NECTIN3: variants seen among roughly 807,000 people sequenced by gnomAD.
The protein encoded by NECTIN3 is nectin-3.
Under a neutral mutation model 49.4 loss-of-function variants are expected in NECTIN3, and 8 were observed. That is an observed-to-expected ratio of 0.16 (90% CI 0.10 to 0.29). NECTIN3 has a LOEUF of 0.29. Among genes scored for constraint, NECTIN3 ranks in the 10% least tolerant of loss-of-function variants. The pLI is 1.00. For missense variants in NECTIN3, 581 were observed against 654.6 expected, an observed-to-expected ratio of 0.89 and a Z score of 1.23; for synonymous variants, 277 against 241.1, an observed-to-expected ratio of 1.15 and a Z score of -1.38.
At chr3:111,073,498 G>A (rs1179804631) in intron 1 of NECTIN3, 1 of 152,264 alleles carries the variant, frequency 6.6e-6, no homozygotes, top group Non-Finnish European at 1.5e-5. Context: ...TATGGTAAAT[G>A]GAATGTTATT....
intron 1 of NECTIN3, among the ~76,000 whole-genome samples, chr3:111,102,714 A>T (rs962924624): frequency 6.6e-6 from 1 of 152,096 alleles, no homozygotes; most frequent in Admixed American, 6.6e-5. Context: ...CTAAAACATT[A>T]TTGTCGTATC....
At chr3:111,095,621 A>G (rs2032541158) in intron 1 of NECTIN3, among the ~76,000 whole-genome samples, 1 of 152,140 alleles carries the variant, frequency 6.6e-6, no homozygotes, top group South Asian at 2.1e-4. Flanking sequence ...CCCAAATCTC[A>G]TCTTGAATTC....
chr3:111,097,853 C>G (rs928598502), intron 1 of NECTIN3, among the ~76,000 whole-genome samples: 25 of 152,104 alleles, frequency 1.6e-4, no homozygotes, highest in African/African-American at 5.8e-4. Flanking sequence ...TCTTTATCAG[C>G]AGCATGAAAA....
intron 1 of NECTIN3, among the ~76,000 whole-genome samples, chr3:111,087,015 A>G (rs1489027492): frequency 6.6e-6 from 1 of 152,126 alleles, no homozygotes; most frequent in Non-Finnish European, 1.5e-5. Context: ...GTTATTATAA[A>G]TAATATTTAT....
rs370116401 is a variant in NECTIN3, at chr3:111,176,727, C to A, written c.1222-15624C>A. Among the ~76,000 whole-genome samples, 11 of 151,690 alleles carry A rather than the reference C, an allele frequency of 7.3e-5. No homozygotes were observed. The East Asian group carries it at 1.5e-3, about 21-fold the overall frequency. On this transcript the variant is annotated intron_variant, in intron 7 of 8. Transcript: ENST00000493615. ...ATATCATTCAATTAAATTTAAGATC[C>A]CCCCAAAAATACATGTAAAAATATG...
chr3:111,177,523 A>G (rs2035553384), intron 7 of NECTIN3, among the ~76,000 whole-genome samples: 1 of 152,144 alleles, frequency 6.6e-6, no homozygotes, highest in African/African-American at 2.4e-5. Flanking sequence ...ATTTTTTAAG[A>G]TACTGTGTAG....
Position 111,134,451 on chromosome 3 carries a change from A to G in NECTIN3, c.*236A>G, listed in dbSNP as rs2034506503. 8.4e-7 allele frequency: 1 copy of G among 1,192,462 alleles called. No individual in the cohort carries two copies. Among genetic ancestry groups the G allele is most frequent in the East Asian group, 4.0e-5 (1 of 25,278 alleles). The allele number at this position is 1,192,462 out of a possible 1,614,324, so 73.9% of individuals were successfully genotyped here. A position where few individuals can be genotyped will look rare whatever the true frequency, so the allele number is the denominator to read the frequency against. ...TGTCTCAAGATTTAAATTTTAATGC[A>G]GAGTACTTTATTGGTGTGAGGCACA... On this transcript the variant is annotated 3_prime_UTR_variant, in exon 6 of 6. Transcript: ENST00000485303.
At chr3:111,089,105 T>C (rs1009554107) in intron 1 of NECTIN3, among the ~76,000 whole-genome samples, 38 of 152,210 alleles carry the variant, frequency 2.5e-4, no homozygotes, top group Admixed American at 9.8e-4. Flanking sequence ...TATTTTCTTA[T>C]CGTCTTTTTA....
intron 5 of NECTIN3, among the ~76,000 whole-genome samples, chr3:111,129,096 C>A (rs557092812): frequency 6.6e-6 from 1 of 152,318 alleles, no homozygotes; most frequent in East Asian, 1.9e-4. Flanking sequence ...CAGGCACATT[C>A]CTACCTCAGA....
At chr3:111,120,066 A>G (rs2033879273) in intron 3 of NECTIN3, among the ~76,000 whole-genome samples, 1 of 152,156 alleles carries the variant, frequency 6.6e-6, no homozygotes, top group Non-Finnish European at 1.5e-5. Context: ...TCTTTTCTCA[A>G]TTCTCTGGAG....
chr3:111,168,118 A>C (rs1023691632), intron 7 of NECTIN3, among the ~76,000 whole-genome samples: 19 of 152,198 alleles, frequency 1.2e-4, no homozygotes, highest in African/African-American at 4.3e-4. Context: ...TCAGATATTC[A>C]GATTAGTGAT....
upstream of NECTIN3, among the ~76,000 whole-genome samples, chr3:111,188,601 A>G (rs1190055177): frequency 6.6e-6 from 1 of 152,210 alleles, no homozygotes; most frequent in Non-Finnish European, 1.5e-5. Context: ...CAATGTTGTT[A>G]TTACTCATAA....
At chr3:111,168,281 T>TGA (rs1375132892) in intron 7 of NECTIN3, among the ~76,000 whole-genome samples, 7 of 152,066 alleles carry the variant, frequency 4.6e-5, no homozygotes, top group Admixed American at 4.6e-4. Context: ...TTGAAGTAGG[T>TGA]TTTTAAAATA....
intron 2 of NECTIN3, among the ~76,000 whole-genome samples, chr3:111,117,618 G>A (rs2033743283): frequency 6.6e-6 from 1 of 151,668 alleles, no homozygotes; most frequent in Non-Finnish European, 1.5e-5. Context: ...AGGTTTCAAA[G>A]TAAAATATGA....
At chr3:111,110,384 T>A (rs1266577727) in intron 1 of NECTIN3, among the ~76,000 whole-genome samples, 1 of 152,016 alleles carries the variant, frequency 6.6e-6, no homozygotes, top group Non-Finnish European at 1.5e-5. Flanking sequence ...AAATGGTAAG[T>A]TTTATTAAAT....
chr3:111,071,849 G>T lies in NECTIN3; in HGVS notation c.-169G>T. The T allele has an allele frequency of 2.4e-6, 1 of 414,570 alleles. No homozygotes were observed. The highest frequency in any genetic ancestry group is 4.0e-6 in the Non-Finnish European group (1 of 247,520). 25.7% of individuals were successfully genotyped at this position (414,570 alleles called of 1,614,324 possible). A position where few individuals can be genotyped will look rare whatever the true frequency, so the allele number is the denominator to read the frequency against. The stretch of plus-strand genomic sequence containing the variant: ...CAGTGGCGTCGGCGACGGCGGTGTC[G>T]AGGCAGCCGCCAGCGTTCGGCCAAG... On this transcript the variant is annotated 5_prime_UTR_variant, in exon 1 of 6. Coordinates refer to ENST00000485303, the MANE Select transcript of NECTIN3 (RefSeq NM_015480.3).
At chr3:111,072,418 G>A (rs2030838354) in intron 1 of NECTIN3, 1 of 1,525,692 alleles carries the variant, frequency 6.6e-7, no homozygotes, top group Non-Finnish European at 8.8e-7. Flanking sequence ...GTCGCCGTGC[G>A]GATGGCCGAG....
chr3:111,094,109 T>C (rs1305563682), intron 1 of NECTIN3, among the ~76,000 whole-genome samples: 1 of 151,982 alleles, frequency 6.6e-6, no homozygotes, highest in Non-Finnish European at 1.5e-5. Context: ...GTATCACTTA[T>C]AATTTTTATT....
intron 7 of NECTIN3, among the ~76,000 whole-genome samples, chr3:111,166,335 A>G (rs543607181): frequency 6.6e-6 from 1 of 151,598 alleles, no homozygotes; most frequent in Non-Finnish European, 1.5e-5. Flanking sequence ...GGAACAACAT[A>G]CCAGTGAACA....
Sources: allele counts gnomAD v4.1 joint callset (sites outside exome capture counted in the v4.1 genomes callset), GRCh38; gene constraint gnomAD v4.1.1; transcripts MANE v1.5; gene names NCBI Gene and HGNC (gene_info 2026-07-23, HGNC 2026-07-21).